UNC5C: variants seen among roughly 807,000 people sequenced by gnomAD.
UNC5C encodes netrin receptor UNC5C.
Under a neutral mutation model 99.8 loss-of-function variants are expected in UNC5C, and 47 were observed. That is an observed-to-expected ratio of 0.47 (90% CI 0.37 to 0.60). The LOEUF (loss-of-function observed/expected upper bound fraction) is 0.60. Among genes scored for constraint, UNC5C ranks in the 20% least tolerant of loss-of-function variants. The pLI, the probability that UNC5C is intolerant of heterozygous loss-of-function variation, is 0.00. For missense variants in UNC5C, 1,062 were observed against 1,165.9 expected, an observed-to-expected ratio of 0.91 and a Z score of 1.30; for synonymous variants, 487 against 452.2, an observed-to-expected ratio of 1.08 and a Z score of -0.98.
At chr4:95,526,791 T>C (rs1391775845) in intron 1 of UNC5C, among the ~76,000 whole-genome samples, 2 of 148,882 alleles carry the variant, frequency 1.3e-5, no homozygotes, top group Non-Finnish European at 3.0e-5. Context: ...TGTATTTCTA[T>C]GAAACTACTC....
chr4:95,363,238 C>A (rs1333985337), intron 1 of UNC5C, among the ~76,000 whole-genome samples: 1 of 152,126 alleles, frequency 6.6e-6, no homozygotes, highest in Non-Finnish European at 1.5e-5. Context: ...TTACACAAAC[C>A]AGACACAAAT....
chr4:95,509,362 C>T (rs1313069048), intron 1 of UNC5C, among the ~76,000 whole-genome samples: 1 of 151,726 alleles, frequency 6.6e-6, no homozygotes, highest in African/African-American at 2.4e-5. Flanking sequence ...TTCTATGCTC[C>T]TTTGCACATA....
At chr4:95,210,488 G>T (rs1738040094) in intron 10 of UNC5C, among the ~76,000 whole-genome samples, 1 of 152,090 alleles carries the variant, frequency 6.6e-6, no homozygotes, top group African/African-American at 2.4e-5. Context: ...TCACATAGAA[G>T]AAAATAGCAG....
intron 1 of UNC5C, among the ~76,000 whole-genome samples, chr4:95,493,232 T>G (rs1207842971): frequency 2.0e-5 from 3 of 151,340 alleles, no homozygotes; most frequent in African/African-American, 7.3e-5. Flanking sequence ...GGAGCTAGAA[T>G]CTGAAGTCAT....
intron 1 of UNC5C, among the ~76,000 whole-genome samples, chr4:95,381,157 A>G (rs1184598041): frequency 6.6e-6 from 1 of 152,206 alleles, no homozygotes; most frequent in Admixed American, 6.5e-5. Flanking sequence ...CTATCATCAA[A>G]CAAGAAAAAA....
At chr4:95,362,498 A>T (rs1177775831) in intron 1 of UNC5C, among the ~76,000 whole-genome samples, 1 of 152,178 alleles carries the variant, frequency 6.6e-6, no homozygotes, top group Admixed American at 6.6e-5. Context: ...TGGTCAGGTC[A>T]TCATTTAGAG....
At chr4:95,481,007 A>AATTGTGTTGGAAGTGTT (rs1721133265) in intron 1 of UNC5C, among the ~76,000 whole-genome samples, 1 of 150,368 alleles carries the variant, frequency 6.7e-6, no homozygotes, top group Non-Finnish European at 1.5e-5. Context: ...AGTTCTGGCC[A>AATTGTGTTGGAAGTGTT]GGGCAATTAG....
chr4:95,470,138 A>G lies in UNC5C; in HGVS notation c.124+78596T>C, dbSNP rs548688449. ...GTTTGTGTATATTTTATGATAGTAA[A>G]TGATAAAATAGACTAGTATGTATGT... On this transcript the variant is annotated intron_variant, in intron 1 of 15. Transcript: ENST00000453304. 8.5e-5 allele frequency among the ~76,000 whole-genome samples: 13 copies of G among 152,262 alleles called. No individual in the cohort carries two copies. In the East Asian group the frequency reaches 1.9e-3, roughly 23 times the overall value.
In UNC5C at chr4:95,412,004, A is replaced by C. The variant is rs545984631; in HGVS notation, c.125-76373T>G. Among the ~76,000 whole-genome samples, 5 of 150,978 alleles carry C rather than the reference A, an allele frequency of 3.3e-5. No individual in the cohort carries two copies. In the South Asian group the frequency reaches 1.0e-3, roughly 32 times the overall value. On this transcript the variant is annotated intron_variant, in intron 1 of 15. Transcript: ENST00000453304. ...GAATGTTTTTTTTTTTTTTTCCTAAAACCTAATTCTAGTCATGTCAGTGTC... is the reference window on the plus strand; with the variant it reads ...GAATGTTTTTTTTTTTTTTTCCTAACACCTAATTCTAGTCATGTCAGTGTC...
chr4:95,286,711 CTT>C (rs1741245650), intron 3 of UNC5C, among the ~76,000 whole-genome samples: 2 of 152,122 alleles, frequency 1.3e-5, no homozygotes, highest in African/African-American at 4.8e-5. Context: ...TTGTTTCTAA[CTT>C]TTAATGGAGA....
intron 14 of UNC5C, among the ~76,000 whole-genome samples, chr4:95,172,741 A>G (rs1439028391): frequency 6.6e-6 from 1 of 151,766 alleles, no homozygotes; most frequent in Non-Finnish European, 1.5e-5. Context: ...TTGGTTCCAT[A>G]TGAACTTGAA....
intron 1 of UNC5C, among the ~76,000 whole-genome samples, chr4:95,453,780 G>C (rs906345908): frequency 6.6e-6 from 1 of 152,070 alleles, no homozygotes; most frequent in African/African-American, 2.4e-5. Context: ...AGATCAGAAG[G>C]CTGCTTATGG....
chr4:95,489,124 G>A (rs1721409288), intron 1 of UNC5C, among the ~76,000 whole-genome samples: 2 of 144,838 alleles, frequency 1.4e-5, no homozygotes, highest in Admixed American at 6.9e-5. Context: ...GAGGAGGAGG[G>A]AGGGAGGAGG....
At chr4:95,511,145 G>A (rs1312116293) in intron 1 of UNC5C, among the ~76,000 whole-genome samples, 4 of 152,062 alleles carry the variant, frequency 2.6e-5, no homozygotes, top group Admixed American at 2.0e-4. Context: ...TTTGATAATG[G>A]CAAGGCAGAT....
At chr4:95,374,706 C>A (rs1744842055) in intron 1 of UNC5C, among the ~76,000 whole-genome samples, 1 of 152,014 alleles carries the variant, frequency 6.6e-6, no homozygotes, top group Non-Finnish European at 1.5e-5. Context: ...AAATGGGGAC[C>A]CTCTGGAGAG....
intron 1 of UNC5C, among the ~76,000 whole-genome samples, chr4:95,408,891 C>G (rs1179336415): frequency 6.6e-6 from 1 of 151,852 alleles, no homozygotes; most frequent in Non-Finnish European, 1.5e-5. Flanking sequence ...AGAATAATAC[C>G]CCCTTTCACT....
At chr4:95,327,353 T>C (rs1272073015) in intron 2 of UNC5C, among the ~76,000 whole-genome samples, 1 of 152,108 alleles carries the variant, frequency 6.6e-6, no homozygotes, top group African/African-American at 2.4e-5. Flanking sequence ...GGCAATAAAG[T>C]GGTATGGGCT....
intron 4 of UNC5C, among the ~76,000 whole-genome samples, chr4:95,256,479 A>G (rs1337292387): frequency 6.6e-6 from 1 of 151,908 alleles, no homozygotes; most frequent in Non-Finnish European, 1.5e-5. Flanking sequence ...CACATTAGGA[A>G]TTGGACCACT....
chr4:95,424,728 T>A (rs190916717), intron 1 of UNC5C, among the ~76,000 whole-genome samples: 33 of 151,976 alleles, frequency 2.2e-4, no homozygotes, highest in African/African-American at 7.0e-4. Context: ...TTTCACTGTG[T>A]TAGCCAGGAT....
Sources: allele counts gnomAD v4.1 joint callset (sites outside exome capture counted in the v4.1 genomes callset), GRCh38; gene constraint gnomAD v4.1.1; transcripts MANE v1.5; gene names NCBI Gene and HGNC (gene_info 2026-07-23, HGNC 2026-07-21).